Variants in CDH2 observed in about 807,000 individuals in gnomAD.
The protein encoded by CDH2 is cadherin 2.
Under a neutral mutation model 92.0 loss-of-function variants are expected in CDH2, and 17 were observed. The ratio of observed to expected loss-of-function variants is 0.18; its 90% CI spans 0.13 to 0.28. The LOEUF is 0.28. CDH2 is among the 10% of genes least tolerant of loss of function. The pLI is 1.00. For missense variants in CDH2, 862 were observed against 1,133.1 expected, an observed-to-expected ratio of 0.76 and a Z score of 3.44; for synonymous variants, 419 against 415.9, an observed-to-expected ratio of 1.01 and a Z score of -0.09.
At chr18:27,962,287 T>G (rs960590474) in intron 15 of CDH2, among the ~76,000 whole-genome samples, 1 of 152,232 alleles carries the variant, frequency 6.6e-6, no homozygotes, top group Non-Finnish European at 1.5e-5. Flanking sequence ...TATTACCTAT[T>G]TAGCAGAAAT....
chr18:28,007,672 C>T (rs2012979245), intron 5 of CDH2, among the ~76,000 whole-genome samples: 1 of 151,954 alleles, frequency 6.6e-6, no homozygotes, highest in African/African-American at 2.4e-5. Flanking sequence ...AATACTGAAC[C>T]TTAATACTTT....
chr18:28,163,988 C>T lies in CDH2; in HGVS notation c.60+12975G>A, dbSNP rs1362752503. ...CAAGGAAGTAGGAATATTCTGTTTT[C>T]CTAACCAGGCTGGTGGTTACATGGA... On this transcript the variant is annotated intron_variant, in intron 1 of 15. Transcript: ENST00000269141. 2.0e-5 allele frequency among the ~76,000 whole-genome samples: 3 copies of T among 152,246 alleles called. No individual in the cohort carries two copies. The East Asian group carries it at 5.8e-4, about 29-fold the overall frequency.
intron 14 of CDH2, among the ~76,000 whole-genome samples, chr18:27,978,945 T>G (rs1599005129): frequency 6.6e-6 from 1 of 151,972 alleles, no homozygotes; most frequent in African/African-American, 2.4e-5. Context: ...TATGAACCAC[T>G]GTGCCCCACT....
At chr18:27,992,278 A>C (rs2012440273) in intron 9 of CDH2, among the ~76,000 whole-genome samples, 1 of 152,180 alleles carries the variant, frequency 6.6e-6, no homozygotes, top group South Asian at 2.1e-4. Context: ...TATCATGAAT[A>C]TATCAACTAC....
intron 14 of CDH2, among the ~76,000 whole-genome samples, chr18:27,982,732 G>GT (rs147482796): frequency 0.011 from 1,454 of 136,470 alleles, 11 homozygotes; most frequent in African/African-American, 0.021. Context: ...GAAACAAGGT[G>GT]TTTTTTTTTT....
intron 14 of CDH2, among the ~76,000 whole-genome samples, chr18:27,972,681 G>A (rs1349424264): frequency 6.6e-6 from 1 of 152,198 alleles, no homozygotes. Context: ...TGCAAACTAA[G>A]TTAGAAATTC....
chr18:28,145,298 T>C (rs925087487), intron 2 of CDH2, among the ~76,000 whole-genome samples: 2 of 152,094 alleles, frequency 1.3e-5, no homozygotes, highest in Non-Finnish European at 2.9e-5. Context: ...AGCCAATATA[T>C]GGTAGAACAT....
At chr18:28,047,424 T>A (rs2014098326) in intron 2 of CDH2, among the ~76,000 whole-genome samples, 1 of 152,152 alleles carries the variant, frequency 6.6e-6, no homozygotes, top group African/African-American at 2.4e-5. Context: ...ATTTTATCCT[T>A]TTAAAACAAA....
chr18:28,056,093 GAAAA>G (rs2014288078), intron 2 of CDH2, among the ~76,000 whole-genome samples: 1 of 151,218 alleles, frequency 6.6e-6, no homozygotes, highest in Non-Finnish European at 1.5e-5. Context: ...TTTTTTAAGA[GAAAA>G]AGAGTAATTT....
chr18:27,957,246 C>CTTTTTTA (rs1273685015), intron 15 of CDH2, among the ~76,000 whole-genome samples: 1 of 151,726 alleles, frequency 6.6e-6, no homozygotes, highest in Non-Finnish European at 1.5e-5. Flanking sequence ...GTCCCTTCTA[C>CTTTTTTA]TTTTTTATTT....
intron 4 of CDH2, among the ~76,000 whole-genome samples, chr18:28,010,909 C>G (rs2013079387): frequency 6.7e-6 from 1 of 150,058 alleles, no homozygotes; most frequent in South Asian, 2.1e-4. Context: ...CTCAGCCTTC[C>G]AAAGTGCTGG....
At chr18:28,008,179 A>G (rs754578601) in intron 5 of CDH2, among the ~76,000 whole-genome samples, 1 of 152,222 alleles carries the variant, frequency 6.6e-6, no homozygotes. Context: ...AGAATTTTAA[A>G]TTGATCTTAT....
intron 2 of CDH2, among the ~76,000 whole-genome samples, chr18:28,020,803 T>C (rs2013388845): frequency 6.6e-6 from 1 of 151,940 alleles, no homozygotes; most frequent in African/African-American, 2.4e-5. Flanking sequence ...TATTGCAAAC[T>C]AGAAACTTTA....
At chr18:27,974,533 G>T (rs2011761326) in intron 14 of CDH2, among the ~76,000 whole-genome samples, 1 of 152,224 alleles carries the variant, frequency 6.6e-6, no homozygotes, top group African/African-American at 2.4e-5. Context: ...ACTTTAAAGT[G>T]ACACAGAATC....
intron 14 of CDH2, among the ~76,000 whole-genome samples, chr18:27,978,077 C>A (rs2011909783): frequency 6.6e-6 from 1 of 152,074 alleles, no homozygotes. Context: ...AAAATAGAAC[C>A]CAGTGTATTT....
chr18:28,059,946 T>A (rs1365624647), intron 2 of CDH2, among the ~76,000 whole-genome samples: 1 of 152,214 alleles, frequency 6.6e-6, no homozygotes, highest in Non-Finnish European at 1.5e-5. Context: ...GATCTAGATT[T>A]TGCAGATTCA....
chr18:28,101,035 A>C (rs556764260), intron 2 of CDH2, among the ~76,000 whole-genome samples: 17 of 152,270 alleles, frequency 1.1e-4, no homozygotes, highest in Non-Finnish European at 1.8e-4. Flanking sequence ...GTGACCCTTC[A>C]TATTTGTTCT....
chr18:28,059,350 T>C (rs2014356673), intron 2 of CDH2, among the ~76,000 whole-genome samples: 1 of 152,206 alleles, frequency 6.6e-6, no homozygotes, highest in South Asian at 2.1e-4. Context: ...GGAAATACCA[T>C]TGATTTGGAC....
chr18:28,015,899 A>T (rs2013231406), intron 2 of CDH2, among the ~76,000 whole-genome samples: 1 of 152,168 alleles, frequency 6.6e-6, no homozygotes, highest in African/African-American at 2.4e-5. Context: ...TGGTCTCTTC[A>T]GTTTTACTTA....
Sources: allele counts gnomAD v4.1 joint callset (sites outside exome capture counted in the v4.1 genomes callset), GRCh38; gene constraint gnomAD v4.1.1; transcripts MANE v1.5; gene names NCBI Gene and HGNC (gene_info 2026-07-23, HGNC 2026-07-21).